The following NEB variants were observed in gnomAD, a reference collection of about 807,000 sequenced individuals.
The protein encoded by NEB is nemaline myopathy type 2.
In NEB, 512 loss-of-function variants were observed where a neutral mutation model predicts 952.2. That is an observed-to-expected ratio of 0.54 (90% confidence interval 0.50 to 0.58). The LOEUF is 0.58. NEB is among the 20% of genes least tolerant of loss of function. The pLI is 0.00. For missense variants in NEB, 8,428 were observed against 9,231.1 expected, an observed-to-expected ratio of 0.91 and a Z score of 3.56; for synonymous variants, 2,900 against 3,149.8, an observed-to-expected ratio of 0.92 and a Z score of 2.66.
At chr2:151,664,993 A>G in intron 42 of NEB, 130 bp from the exon 43 acceptor site, 2 of 727,034 alleles carry the variant, frequency 2.8e-6, no homozygotes, top group Non-Finnish European at 4.4e-6. Context: ...TGAAATAACA[A>G]AAAGATGGGC....
In NEB at chr2:151,525,981, C is replaced by T. The variant is rs1274190215; in HGVS notation, c.22138G>A (p.Glu7380Lys). The change falls in exon 150 of 182, where the codon GAA becomes AAA. Residue 7380 changes from glutamate (E) to lysine (K), a missense_variant. Coordinates refer to ENST00000397345, the MANE Select transcript of NEB (RefSeq NM_001164508.2). ...ACATCACTGACATGCTTGGTCACTTCCTTGACGTGAACAGTGTCCCGGGTC... is the reference window on the plus strand; with the variant it reads ...ACATCACTGACATGCTTGGTCACTTTCTTGACGTGAACAGTGTCCCGGGTC... ...PETRDTVHVKEVTKHVSDTNY... is the reference protein window; with the variant it reads ...PETRDTVHVKKVTKHVSDTNY... The T allele has an allele frequency of 6.2e-7, 1 of 1,613,970 alleles. No homozygotes were observed. The highest frequency in any genetic ancestry group is 1.1e-5 in the South Asian group (1 of 91,076).
At chr2:151,525,054 AACT>A (rs2084877006) in intron 151 of NEB, 106 bp downstream of exon 151, 1 of 849,534 alleles carries the variant, frequency 1.2e-6, no homozygotes, top group African/African-American at 1.7e-5. Context: ...AACTTTTTGA[AACT>A]ACCACAGAGG....
rs778560255 is a variant in NEB at position 151,514,364 on chromosome 2, G to A, written c.23081C>T (p.Thr7694Ile). 8 of 1,613,652 alleles carry A rather than the reference G, an allele frequency of 5.0e-6. No homozygotes were observed. The African/African-American group carries it at 6.7e-5, about 13-fold the overall frequency. Reference sequence around the variant, plus strand: ...ATTCTTTGCTCTTAGCATGTCAGGTGTATCTTCCATTTCAGTGAGGCCCTT... The same window carrying A: ...ATTCTTTGCTCTTAGCATGTCAGGTATATCTTCCATTTCAGTGAGGCCCTT... The part of the protein sequence containing the change: ...RGKGLTEMED[T>I]PDMLRAKNAT... Residue 7694 changes from threonine (T) to isoleucine (I), a missense_variant, in exon 159 of 182, where the codon ACA becomes ATA. Thr to Ile is a moderately conservative substitution (Grantham distance 89, BLOSUM62 -1). Transcript: ENST00000397345.
At chr2:151,725,615 A>G (rs2099788160) in intron 5 of NEB, 55 bp from the exon 6 acceptor site, 1 of 1,352,968 alleles carries the variant, frequency 7.4e-7, no homozygotes, top group Non-Finnish European at 1.1e-6. Flanking sequence ...ATTTCAGGCA[A>G]CATACTCACC....
chr2:151,672,910 T>C (rs1410162657), intron 36 of NEB, among the ~76,000 whole-genome samples: 1 of 152,254 alleles, frequency 6.6e-6, no homozygotes, highest in Non-Finnish European at 1.5e-5. Flanking sequence ...CTCCTACAGA[T>C]AATTTGCATG....
chr2:151,673,859 T>G (rs536240414), intron 36 of NEB, among the ~76,000 whole-genome samples: 47 of 149,914 alleles, frequency 3.1e-4, no homozygotes, highest in Non-Finnish European at 5.8e-4. Flanking sequence ...TCAGCCTCCC[T>G]AGCAGCTGGG....
rs1233526787 is a variant in NEB at position 151,548,335 on chromosome 2, G to T, written c.20130C>A (p.Val6710=). 3 of 1,613,432 alleles carry T rather than the reference G, an allele frequency of 1.9e-6. No individual in the cohort carries two copies. Among genetic ancestry groups the T allele is most frequent in the Middle Eastern group, 1.7e-4 (1 of 6,060 alleles). The part of the protein sequence containing the change: ...LGPKDVPFVH[V]RRVNNVTSER... ...CGCTGGTAACATTGTTGACTCTCCG[G>T]ACGTGGACAAATGGAACATCTTTGG... The change falls in exon 131 of 182, where the codon GTC becomes GTA. Residue 6710 remains valine, a synonymous_variant. Coordinates refer to ENST00000397345, the MANE Select transcript of NEB (RefSeq NM_001164508.2).
chr2:151,495,106 A>G (rs1475108315), intron 173 of NEB: 3 of 152,238 alleles, frequency 2.0e-5, no homozygotes, highest in Admixed American at 6.5e-5. Context: ...TTCATACAAC[A>G]TTCAGCTTAT....
At chr2:151,619,982 C>CA (rs1348535712) in intron 72 of NEB, among the ~76,000 whole-genome samples, 15 of 151,700 alleles carry the variant, frequency 9.9e-5, no homozygotes, top group Non-Finnish European at 1.9e-4. Flanking sequence ...CATATGTTGG[C>CA]AAAAAATGAT....
chr2:151,627,183 T>C lies in NEB; in HGVS notation c.10166A>G (p.Gln3389Arg), dbSNP rs2098541776. The C allele has an allele frequency of 3.7e-6, 6 of 1,613,810 alleles. No individual in the cohort carries two copies. Among genetic ancestry groups the C allele is most frequent in the South Asian group, 1.1e-5 (1 of 91,080 alleles). ...GACCCAGCCAATGCCTCTCAGCCAC[T>C]GGAGATCAGATTTGTAAATGTTCTG... The part of the protein sequence containing the change: ...QSDNIYKSDL[Q>R]WLRGIGWVPI... Residue 3389 changes from glutamine (Q) to arginine (R), a missense_variant, in exon 70 of 182, where the codon CAG becomes CGG. Physicochemically the swap from Gln to Arg is conservative, Grantham distance 43. This residue lies in a region of NEB where 1,772 missense variants were observed against 1,960.3 expected (regional missense o/e 0.90). Coordinates refer to ENST00000397345, the MANE Select transcript of NEB (RefSeq NM_001164508.2).
intron 37 of NEB, among the ~76,000 whole-genome samples, chr2:151,671,782 A>G (rs2099300533): frequency 1.3e-5 from 2 of 152,230 alleles, no homozygotes; most frequent in Non-Finnish European, 2.9e-5. Context: ...TCGAGTGCCA[A>G]TAAATGTATA....
chr2:151,576,785 T>A (rs979117487), intron 105 of NEB, among the ~76,000 whole-genome samples: 1 of 151,974 alleles, frequency 6.6e-6, no homozygotes. Flanking sequence ...TCCACCCACC[T>A]TGGCCTCCCA....
In NEB at chr2:151,697,573, C is replaced by T. The variant is rs2099605539; in HGVS notation, c.1228G>A (p.Asp410Asn). The T allele has an allele frequency of 1.9e-6, 3 of 1,613,204 alleles. No individual in the cohort carries two copies. Among genetic ancestry groups the T allele is most frequent in the South Asian group, 1.1e-5 (1 of 90,886 alleles). Reference sequence around the variant, plus strand: ...CTACTGAAGTTCTGCAGAACAGTATCGAGCTTGAATTTGGGGGTCTCGCAG... The same window carrying T: ...CTACTGAAGTTCTGCAGAACAGTATTGAGCTTGAATTTGGGGGTCTCGCAG... ...NYCETPKFKL[D>N]TVLQNFSSDK... The change falls in exon 14 of 182, where the codon GAT (aspartate) becomes AAT (asparagine). Residue 410 changes from aspartate to asparagine, a missense_variant. By Grantham distance (23) the Asp-to-Asn change is conservative. This residue lies in a region of NEB where 2,851 missense variants were observed against 2,791.5 expected (regional missense o/e 1.02). Transcript: ENST00000397345.
chr2:151,642,480 A>G lies in NEB; in HGVS notation c.8373+94T>C, dbSNP rs188510244. ...ACAATAAACTGTTAGCAACAGCTTT[A>G]ACCTCATGGCTTACTTGTGCCACTA... On this transcript the variant is annotated intron_variant, in intron 60 of 181. Transcript: ENST00000397345. 537 of 1,032,832 alleles carry G rather than the reference A, an allele frequency of 5.2e-4. 4 individuals carry two copies. The African/African-American group carries it at 7.9e-3, about 15-fold the overall frequency. The allele number at this position is 1,032,832 out of a possible 1,614,324, so 64.0% of individuals were successfully genotyped here. A position where few individuals can be genotyped will look rare whatever the true frequency, so the allele number is the denominator to read the frequency against.
At chr2:151,574,222 C>A (rs1042678907) in intron 107 of NEB, among the ~76,000 whole-genome samples, 2 of 152,216 alleles carry the variant, frequency 1.3e-5, no homozygotes, top group South Asian at 4.1e-4. Context: ...GATTCGCCTG[C>A]CTTGGCCTCC....
At chr2:151,674,139 T>C (rs1265842875) in intron 36 of NEB, among the ~76,000 whole-genome samples, 1 of 152,206 alleles carries the variant, frequency 6.6e-6, no homozygotes, top group Admixed American at 6.5e-5. Flanking sequence ...ACAATTATAA[T>C]GCAGGCAGTC....
intron 161 of NEB, among the ~76,000 whole-genome samples, chr2:151,511,813 A>G (rs2074618674): frequency 6.6e-6 from 1 of 152,166 alleles, no homozygotes; most frequent in African/African-American, 2.4e-5. Context: ...TGTGGTCTCA[A>G]TCTCAGTCTT....
chr2:151,723,746 C>CTT (rs1336447502), intron 8 of NEB, among the ~76,000 whole-genome samples: 24 of 55,870 alleles, frequency 4.3e-4, no homozygotes, highest in African/African-American at 1.3e-3. Flanking sequence ...TACCTGCCTT[C>CTT]TTTGTTTTTT....
intron 11 of NEB, 139 bp downstream of exon 11, chr2:151,710,295 A>T: frequency 2.0e-6 from 1 of 491,688 alleles, no homozygotes. Context: ...CTTAAAAGGA[A>T]CTCTGCACCA....
Sources: gnomAD v4.1 joint callset for allele counts (sites outside exome capture counted in the v4.1 genomes callset) on GRCh38, gnomAD v4.1.1 for gene constraint, gnomAD v4.1.1 regional missense constraint, MANE v1.5 for transcripts, NCBI Gene and HGNC (gene_info 2026-07-23, HGNC 2026-07-21) for gene names.